Variants in SLC8A1 observed in about 807,000 individuals in gnomAD.
The protein encoded by SLC8A1 is solute carrier family 8 member A1.
A neutral mutation model predicts 68.3 loss-of-function variants in SLC8A1; 18 were observed. That is an observed-to-expected ratio of 0.26 (90% CI 0.18 to 0.39). The LOEUF is 0.39. Ranked by LOEUF, SLC8A1 falls within the 10% of genes least tolerant of loss-of-function variation. The pLI is 1.00. For missense variants in SLC8A1, 985 were observed against 1,156.7 expected, an observed-to-expected ratio of 0.85 and a Z score of 2.15; for synonymous variants, 475 against 415.5, an observed-to-expected ratio of 1.14 and a Z score of -1.74.
chr2:40,482,188 A>C (rs1704672798), intron 1 of SLC8A1, among the ~76,000 whole-genome samples: 1 of 152,190 alleles, frequency 6.6e-6, no homozygotes, highest in African/African-American at 2.4e-5. Flanking sequence ...CATTTTAAAA[A>C]CGAATGTCCC....
intron 2 of SLC8A1, among the ~76,000 whole-genome samples, chr2:40,230,390 C>T (rs528145975): frequency 2.0e-5 from 3 of 152,194 alleles, no homozygotes; most frequent in South Asian, 2.1e-4. Flanking sequence ...TCCATCAGTG[C>T]TTCTTTATAA....
At chr2:40,431,030 T>C (rs1338617753) in intron 1 of SLC8A1, among the ~76,000 whole-genome samples, 1 of 152,318 alleles carries the variant, frequency 6.6e-6, no homozygotes, top group Non-Finnish European at 1.5e-5. Flanking sequence ...TTTAAAAGCA[T>C]GTTTTGATGA....
chr2:40,441,122 A>G (rs1700400154), intron 1 of SLC8A1, among the ~76,000 whole-genome samples: 1 of 152,182 alleles, frequency 6.6e-6, no homozygotes, highest in Admixed American at 6.5e-5. Flanking sequence ...AAGCATTCCT[A>G]TACACCAAAA....
At chr2:40,273,344 C>T (rs550610986) in intron 2 of SLC8A1, among the ~76,000 whole-genome samples, 104 of 151,952 alleles carry the variant, frequency 6.8e-4, no homozygotes, top group East Asian at 1.4e-3. Flanking sequence ...CCACCCGCCT[C>T]GGCTTCCCAA....
chr2:40,236,950 G>T (rs1331238255), intron 2 of SLC8A1, among the ~76,000 whole-genome samples: 4 of 152,106 alleles, frequency 2.6e-5, no homozygotes, highest in Non-Finnish European at 5.9e-5. Context: ...CTGGCTTGTA[G>T]GGTTTCTGCC....
chr2:40,260,174 TTCTC>T (rs376387069), intron 2 of SLC8A1, among the ~76,000 whole-genome samples: 1 of 152,200 alleles, frequency 6.6e-6, no homozygotes, highest in East Asian at 1.9e-4. Context: ...CCCTCCTTTT[TTCTC>T]TCTCTTTCAT....
intron 2 of SLC8A1, among the ~76,000 whole-genome samples, chr2:40,276,820 T>C (rs992808990): frequency 4.6e-5 from 7 of 152,224 alleles, no homozygotes; most frequent in African/African-American, 9.6e-5. Flanking sequence ...TACTTGACAT[T>C]ATCCATGGCC....
At chr2:40,346,391 A>G (rs1263090883) in intron 2 of SLC8A1, among the ~76,000 whole-genome samples, 4 of 152,154 alleles carry the variant, frequency 2.6e-5, no homozygotes, top group African/African-American at 7.2e-5. Flanking sequence ...CTTGTTAGAA[A>G]TATATATGCT....
intron 7 of SLC8A1, among the ~76,000 whole-genome samples, chr2:40,120,175 G>A (rs1037551600): frequency 2.0e-5 from 3 of 152,142 alleles, no homozygotes; most frequent in Non-Finnish European, 4.4e-5. Flanking sequence ...CAAGGGTTTC[G>A]CCCCAGATGG....
chr2:40,184,898 C>CAAAAAAAAAAAAAAAAAAAAAAA (rs66662572), intron 2 of SLC8A1, among the ~76,000 whole-genome samples: 8 of 106,518 alleles, frequency 7.5e-5, no homozygotes, highest in East Asian at 3.0e-4. Context: ...TAACCAAAAA[C>CAAAAAAAAAAAAAAAAAAAAAAA]AAAAAAAAAA....
Position 40,306,719 on chromosome 2 carries a change from C to A in SLC8A1, c.1808+121754G>T, listed in dbSNP as rs1241961621. 2.0e-5 allele frequency among the ~76,000 whole-genome samples: 3 copies of A among 152,120 alleles called. No individual in the cohort carries two copies. In the East Asian group the frequency reaches 5.8e-4, roughly 29 times the overall value. On this transcript the variant is annotated intron_variant, in intron 2 of 7. Transcript: ENST00000406785. ...CAGTTTCTTAATTAAGCCCCAATGTCAATTACTGCACGTAAGTAGAAATCA... is the reference window on the plus strand; with the variant it reads ...CAGTTTCTTAATTAAGCCCCAATGTAAATTACTGCACGTAAGTAGAAATCA...
intron 2 of SLC8A1, among the ~76,000 whole-genome samples, chr2:40,243,369 C>T (rs181067127): frequency 6.6e-6 from 1 of 152,136 alleles, no homozygotes; most frequent in African/African-American, 2.4e-5. Context: ...TCTGCGGTCC[C>T]ACCTACTTGA....
chr2:40,160,087 G>A (rs940238964), intron 6 of SLC8A1, among the ~76,000 whole-genome samples: 1 of 152,166 alleles, frequency 6.6e-6, no homozygotes, highest in Non-Finnish European at 1.5e-5. Context: ...GAATCTTTAA[G>A]AGGGACTTTC....
rs1035165229 is a variant in SLC8A1 at position 40,109,724 on chromosome 2, G to A, written c.*5529C>T. ...CTGCAAAGGCTGAAATTAGGGAAAG[G>A]AAATATTAAGACTGTTTATTCCCAT... On this transcript the variant is annotated 3_prime_UTR_variant, in exon 8 of 8. Transcript: ENST00000406785. The A allele has an allele frequency of 3.9e-5, 6 of 152,112 alleles. No individual in the cohort carries two copies. The East Asian group carries it at 1.2e-3, about 29-fold the overall frequency. The allele number at this position is 152,112 out of a possible 1,614,324, so 9.4% of individuals were successfully genotyped here.
intron 2 of SLC8A1, among the ~76,000 whole-genome samples, chr2:40,402,265 C>A (rs1688968295): frequency 6.6e-6 from 1 of 152,158 alleles, no homozygotes; most frequent in South Asian, 2.1e-4. Context: ...TTTACAAATG[C>A]CATGGCAACA....
chr2:40,384,429 C>A (rs148568742), intron 2 of SLC8A1, among the ~76,000 whole-genome samples: 4 of 152,042 alleles, frequency 2.6e-5, no homozygotes. Flanking sequence ...CAGAACCTTG[C>A]ATCATGAATC....
chr2:40,242,417 G>A (rs1009706684), intron 2 of SLC8A1, among the ~76,000 whole-genome samples: 2 of 152,120 alleles, frequency 1.3e-5, no homozygotes, highest in Non-Finnish European at 2.9e-5. Flanking sequence ...TTGTTGTCCT[G>A]GATTGCCTGC....
At chr2:40,465,938 T>C (rs1703643373) in intron 1 of SLC8A1, among the ~76,000 whole-genome samples, 1 of 152,138 alleles carries the variant, frequency 6.6e-6, no homozygotes, top group African/African-American at 2.4e-5. Flanking sequence ...CTTCTGCCCT[T>C]CTGCCATGTG....
intron 2 of SLC8A1, among the ~76,000 whole-genome samples, chr2:40,184,991 A>G (rs1420932932): frequency 2.0e-5 from 3 of 152,160 alleles, no homozygotes; most frequent in Non-Finnish European, 4.4e-5. Context: ...CAAATGGCCA[A>G]TAAGTACATA....
Sources: allele counts gnomAD v4.1 joint callset (sites outside exome capture counted in the v4.1 genomes callset), GRCh38; gene constraint gnomAD v4.1.1; transcripts MANE v1.5; gene names NCBI Gene and HGNC (gene_info 2026-07-23, HGNC 2026-07-21).